The following GLIS3 variants were observed in gnomAD, a reference collection of about 807,000 sequenced individuals.
GLIS3 encodes GLIS family zinc finger 3, also known as zinc finger protein GLIS3.
GLIS3 carries 53 observed loss-of-function variants against 78.6 expected under a neutral mutation model. The ratio of observed to expected loss-of-function variants is 0.67; its 90% confidence interval spans 0.54 to 0.85. The LOEUF (loss-of-function observed/expected upper bound fraction) is 0.85. Among genes scored for constraint, GLIS3 ranks in the 40% least tolerant of loss-of-function variants. GLIS3 has a pLI of 0.00. For missense variants in GLIS3, 1,703 were observed against 1,231.1 expected, an observed-to-expected ratio of 1.38 and a Z score of -5.74; for synonymous variants, 684 against 509.9, an observed-to-expected ratio of 1.34 and a Z score of -4.60.
the GLIS3 span, among the ~76,000 whole-genome samples, chr9:4,364,910 A>T: frequency 6.6e-6 from 1 of 151,980 alleles, no homozygotes; most frequent in Non-Finnish European, 1.5e-5. Context: ...CAGCCTCCCA[A>T]GTAGCCAGAA....
At chr9:3,863,964 T>C (rs1232815555) in intron 8 of GLIS3, among the ~76,000 whole-genome samples, 1 of 151,418 alleles carries the variant, frequency 6.6e-6, no homozygotes, top group African/African-American at 2.4e-5. Context: ...AAGAGAGGAG[T>C]TTTCTGGAAT....
At chr9:4,133,874 A>ACACC (rs768664577) in intron 2 of GLIS3, among the ~76,000 whole-genome samples, 8,786 of 123,860 alleles carry the variant, frequency 0.071, 552 homozygotes, top group Non-Finnish European at 0.085. Flanking sequence ...ACACACACAC[A>ACACC]CCGTACATCT....
intron 4 of GLIS3, among the ~76,000 whole-genome samples, chr9:4,079,662 G>C (rs1242443387): frequency 6.6e-6 from 1 of 151,138 alleles, no homozygotes; most frequent in African/African-American, 2.4e-5. Flanking sequence ...TATGGAGCCA[G>C]AGAAACCTAG....
chr9:4,060,717 T>C (rs1826576982), intron 4 of GLIS3, among the ~76,000 whole-genome samples: 1 of 152,236 alleles, frequency 6.6e-6, no homozygotes. Context: ...CAACCTTGAA[T>C]TCCTCAGCTT....
chr9:4,169,888 A>C (rs1418214919), intron 2 of GLIS3, among the ~76,000 whole-genome samples: 3 of 152,202 alleles, frequency 2.0e-5, no homozygotes, highest in Non-Finnish European at 4.4e-5. Flanking sequence ...AATATAATAA[A>C]GGATAGGAAT....
the GLIS3 span, among the ~76,000 whole-genome samples, chr9:4,367,096 A>G: frequency 6.6e-6 from 1 of 152,218 alleles, no homozygotes; most frequent in Admixed American, 6.5e-5. Context: ...TCTAATTTCA[A>G]TGACAAAAAT....
Position 4,060,447 on chromosome 9 carries a change from G to C in GLIS3, c.1710+57321C>G, listed in dbSNP as rs559917389. Among the ~76,000 whole-genome samples the C allele has an allele frequency of 3.9e-5, 6 of 152,288 alleles. No homozygotes were observed. The South Asian group carries it at 1.2e-3, about 32-fold the overall frequency. On this transcript the variant is annotated intron_variant, in intron 4 of 10. Coordinates refer to ENST00000381971, the MANE Select transcript of GLIS3 (RefSeq NM_001042413.2). Reference sequence around the variant, plus strand: ...GTTATGATTTAATATTTGCCCCCGTGTTGAAACTTAATCCCCAGTGTGGCA... The same window carrying C: ...GTTATGATTTAATATTTGCCCCCGTCTTGAAACTTAATCCCCAGTGTGGCA...
the GLIS3 span, among the ~76,000 whole-genome samples, chr9:4,437,116 CA>C: frequency 6.6e-6 from 1 of 152,108 alleles, no homozygotes; most frequent in South Asian, 2.1e-4. Flanking sequence ...GAAGAGGAGA[CA>C]GTGGCAGTGT....
intron 2 of GLIS3, among the ~76,000 whole-genome samples, chr9:4,246,727 T>C (rs1377228325): frequency 1.3e-5 from 2 of 152,332 alleles, no homozygotes; most frequent in Non-Finnish European, 2.9e-5. Context: ...TATCATTTCC[T>C]AAAACAAAAC....
At chr9:4,063,698 A>T (rs1446034743) in intron 4 of GLIS3, among the ~76,000 whole-genome samples, 1 of 152,212 alleles carries the variant, frequency 6.6e-6, no homozygotes, top group East Asian at 1.9e-4. Context: ...GAATGAGACA[A>T]ATATTAGAAA....
intron 2 of GLIS3, among the ~76,000 whole-genome samples, chr9:4,194,768 G>A (rs952390452): frequency 1.6e-4 from 25 of 152,170 alleles, no homozygotes; most frequent in African/African-American, 5.8e-4. Flanking sequence ...CTGAAGCTCC[G>A]GGCAACCCTG....
intron 4 of GLIS3, among the ~76,000 whole-genome samples, chr9:4,103,938 C>A (rs561152068): frequency 6.6e-6 from 1 of 152,084 alleles, no homozygotes; most frequent in Admixed American, 6.6e-5. Context: ...AACACAGCAA[C>A]GCAAGACTAA....
chr9:4,485,914 C>T, the GLIS3 span, among the ~76,000 whole-genome samples: 3 of 151,808 alleles, frequency 2.0e-5, no homozygotes, highest in Non-Finnish European at 4.4e-5. Context: ...GCAGAGATGG[C>T]GTTTCACTAT....
intron 1 of GLIS3, among the ~76,000 whole-genome samples, chr9:4,295,758 C>A (rs533902851): frequency 6.6e-5 from 10 of 152,100 alleles, no homozygotes; most frequent in Non-Finnish European, 1.2e-4. Flanking sequence ...TGTGCTTTTC[C>A]GTAAGGATAT....
At chr9:4,184,889 T>A (rs1311564002) in intron 2 of GLIS3, among the ~76,000 whole-genome samples, 3 of 102,164 alleles carry the variant, frequency 2.9e-5, no homozygotes, top group Non-Finnish European at 6.4e-5. Context: ...AAGTATTAAA[T>A]ATTGGGTTAC....
rs771173903 is a variant in GLIS3, at chr9:4,118,166, C to T, written c.1312G>A (p.Gly438Ser). 4 of 1,566,186 alleles carry T rather than the reference C, an allele frequency of 2.6e-6. No individual in the cohort carries two copies. In the South Asian group the frequency reaches 3.6e-5, roughly 14 times the overall value. ...GCGGGGGGTAGGTCTACGGTGCTGCCCGGGAACTCCTCCAGGCGTTCGGTC... is the reference window on the plus strand; with the variant it reads ...GCGGGGGGTAGGTCTACGGTGCTGCTCGGGAACTCCTCCAGGCGTTCGGTC... ...FKTERLEEFP[G>S]STVDLPPAPP... The change falls in exon 4 of 11, where the codon GGC becomes AGC. Residue 438 changes from glycine (G) to serine (S), a missense_variant. Coordinates refer to ENST00000381971, the MANE Select transcript of GLIS3 (RefSeq NM_001042413.2). The surrounding 1 kb of genome is among the most constrained non-coding windows in gnomAD (Gnocchi z 4.7).
Position 4,213,065 on chromosome 9 carries a change from A to C in GLIS3, c.388+72973T>G, listed in dbSNP as rs116899669. On this transcript the variant is annotated intron_variant, in intron 2 of 10. Coordinates refer to ENST00000381971, the MANE Select transcript of GLIS3 (RefSeq NM_001042413.2). The stretch of plus-strand genomic sequence containing the variant: ...GCCATGGAAAAAAACTATTTCCCTT[A>C]TGAGAAGTGGCTTGCTCCTACGTGC... Among the ~76,000 whole-genome samples the C allele has an allele frequency of 3.0e-3, 463 of 152,298 alleles. 7 individuals carry two copies. The highest frequency in any genetic ancestry group is 9.3e-3 in the East Asian group (48 of 5,184).
intron 4 of GLIS3, among the ~76,000 whole-genome samples, chr9:3,984,655 G>C (rs1377517049): frequency 6.6e-6 from 1 of 152,146 alleles, no homozygotes; most frequent in Non-Finnish European, 1.5e-5. Context: ...GGGGACTCTT[G>C]GGAAGGCATG....
intron 2 of GLIS3, among the ~76,000 whole-genome samples, chr9:4,216,573 C>A (rs1309961011): frequency 2.0e-5 from 3 of 151,504 alleles, no homozygotes; most frequent in Admixed American, 6.6e-5. Context: ...AGAGCCCCAG[C>A]CAGGGTTCTG....
Sources: gnomAD v4.1 joint callset for allele counts (sites outside exome capture counted in the v4.1 genomes callset) on GRCh38, gnomAD v4.1.1 for gene constraint, Gnocchi (gnomAD v3.1) non-coding constraint, MANE v1.5 for transcripts, NCBI Gene and HGNC (gene_info 2026-07-23, HGNC 2026-07-21) for gene names.